Variants in STXBP5L observed in about 807,000 individuals in gnomAD.
STXBP5L encodes syntaxin binding protein 5L.
STXBP5L carries 65 observed loss-of-function variants against 144.5 expected under a neutral mutation model. The observed-to-expected ratio is 0.45, with a 90% CI of 0.37 to 0.55. STXBP5L has a LOEUF of 0.55. STXBP5L is among the 20% of genes least tolerant of loss of function. The pLI is 0.00. For synonymous variants in STXBP5L, 505 were observed against 469.6 expected, an observed-to-expected ratio of 1.08 and a Z score of -0.97; for missense variants, 1,298 against 1,405.5, an observed-to-expected ratio of 0.92 and a Z score of 1.22.
chr3:121,294,031 G>A (rs1178516847), intron 19 of STXBP5L, among the ~76,000 whole-genome samples: 1 of 152,200 alleles, frequency 6.6e-6, no homozygotes, highest in Non-Finnish European at 1.5e-5. Flanking sequence ...AAAAGCTTCT[G>A]AAGTAATTAC....
rs150005090 is a variant in STXBP5L at position 121,008,899 on chromosome 3, A to T, written c.288-32801A>T. On this transcript the variant is annotated intron_variant, in intron 3 of 26. Coordinates refer to ENST00000471454, the MANE Select transcript of STXBP5L (RefSeq NM_001308330.2). ...AAATAAAATATCTATCTTTTCCAGGATGGAATAGTTTCTTACGGTTTAATA... is the reference window on the plus strand; with the variant it reads ...AAATAAAATATCTATCTTTTCCAGGTTGGAATAGTTTCTTACGGTTTAATA... Among the ~76,000 whole-genome samples, 348 of 151,616 alleles carry T rather than the reference A, an allele frequency of 2.3e-3. 8 individuals carry two copies. In the East Asian group the frequency reaches 0.053, roughly 23 times the overall value.
chr3:121,036,385 T>C (rs565977580), intron 3 of STXBP5L, among the ~76,000 whole-genome samples: 28 of 152,258 alleles, frequency 1.8e-4, no homozygotes, highest in Admixed American at 6.6e-4. Context: ...TCAGTAATAT[T>C]TTATGGCTTT....
intron 5 of STXBP5L, among the ~76,000 whole-genome samples, chr3:121,098,853 C>T (rs1229142719): frequency 6.6e-6 from 1 of 152,052 alleles, no homozygotes; most frequent in East Asian, 1.9e-4. Flanking sequence ...TCAAAAGCCT[C>T]CAAGGAAGTT....
At chr3:121,216,505 C>T (rs1469603027) in intron 10 of STXBP5L, among the ~76,000 whole-genome samples, 1 of 152,150 alleles carries the variant, frequency 6.6e-6, no homozygotes, top group Non-Finnish European at 1.5e-5. Context: ...TGGTTATCAC[C>T]ACGGGAGTCT....
chr3:121,389,259 G>A (rs922993231), intron 22 of STXBP5L, among the ~76,000 whole-genome samples: 45 of 151,972 alleles, frequency 3.0e-4, no homozygotes, highest in East Asian at 3.9e-4. Context: ...TTTTTATTGC[G>A]TCTACTTGAT....
intron 20 of STXBP5L, among the ~76,000 whole-genome samples, chr3:121,350,706 C>G (rs2045241938): frequency 6.6e-6 from 1 of 151,924 alleles, no homozygotes; most frequent in African/African-American, 2.4e-5. Context: ...TCATTTCATT[C>G]ATTTGATCTT....
At chr3:121,187,208 A>T (rs1259208600) in intron 9 of STXBP5L, among the ~76,000 whole-genome samples, 1 of 152,182 alleles carries the variant, frequency 6.6e-6, no homozygotes, top group Non-Finnish European at 1.5e-5. Context: ...ACACCATGGA[A>T]TACTATGCAG....
chr3:121,182,883 C>T (rs1018760732), intron 9 of STXBP5L, among the ~76,000 whole-genome samples: 1 of 152,094 alleles, frequency 6.6e-6, no homozygotes, highest in African/African-American at 2.4e-5. Context: ...ACCAATATCC[C>T]TGATGAACAT....
chr3:121,377,267 T>A (rs180679743), intron 20 of STXBP5L, among the ~76,000 whole-genome samples: 34 of 152,340 alleles, frequency 2.2e-4, no homozygotes, highest in Non-Finnish European at 5.0e-4. Flanking sequence ...ATTCAGGACA[T>A]AGGCATGGAC....
chr3:121,347,693 C>G (rs2045061080), intron 20 of STXBP5L, among the ~76,000 whole-genome samples: 1 of 151,996 alleles, frequency 6.6e-6, no homozygotes, highest in African/African-American at 2.4e-5. Flanking sequence ...AGTTGGATTC[C>G]TAGGTATTTT....
At chr3:121,312,367 T>TA (rs2043563001) in intron 19 of STXBP5L, among the ~76,000 whole-genome samples, 1 of 93,282 alleles carries the variant, frequency 1.1e-5, no homozygotes. Context: ...CTAAAGAGCT[T>TA]CTTTTTTTTT....
rs530714069 is a variant in STXBP5L at position 121,291,654 on chromosome 3, A to G, written c.2110+11698A>G. On this transcript the variant is annotated intron_variant, in intron 19 of 26. Transcript: ENST00000471454. ...GAGGCATCACGTTACTTGACTTCAA[A>G]CTACACTACAAGGCTATCGTTACCA... 5.9e-5 allele frequency among the ~76,000 whole-genome samples: 9 copies of G among 152,314 alleles called. No individual in the cohort carries two copies. The South Asian group carries it at 1.9e-3, about 32-fold the overall frequency.
intron 15 of STXBP5L, among the ~76,000 whole-genome samples, chr3:121,253,806 TTTTC>T (rs1409848296): frequency 2.3e-5 from 3 of 130,362 alleles, no homozygotes; most frequent in African/African-American, 9.3e-5. Flanking sequence ...AATTTTTTTT[TTTTC>T]TTTTTTTTTT....
chr3:121,063,084 G>A (rs1205867062), intron 5 of STXBP5L, among the ~76,000 whole-genome samples: 1 of 152,176 alleles, frequency 6.6e-6, no homozygotes, highest in Admixed American at 6.5e-5. Context: ...GAGCAGAAGA[G>A]TCATTCTGGT....
At chr3:121,192,247 A>G (rs192825556) in intron 9 of STXBP5L, among the ~76,000 whole-genome samples, 1 of 152,196 alleles carries the variant, frequency 6.6e-6, no homozygotes, top group African/African-American at 2.4e-5. Context: ...TAAAACACCT[A>G]GGCATACAAC....
intron 2 of STXBP5L, among the ~76,000 whole-genome samples, chr3:120,923,875 AGTG>A (rs1163303979): frequency 6.6e-6 from 1 of 152,102 alleles, no homozygotes; most frequent in African/African-American, 2.4e-5. Flanking sequence ...TGTAGTTTAC[AGTG>A]ATGTTTGTTG....
At chr3:120,977,612 C>G (rs1020410804) in intron 3 of STXBP5L, among the ~76,000 whole-genome samples, 5 of 151,994 alleles carry the variant, frequency 3.3e-5, no homozygotes, top group Non-Finnish European at 7.4e-5. Context: ...TATTTTGCTC[C>G]TTAGTTGAGG....
intron 3 of STXBP5L, among the ~76,000 whole-genome samples, chr3:121,038,444 T>C (rs1946910995): frequency 6.6e-6 from 1 of 152,012 alleles, no homozygotes; most frequent in Non-Finnish European, 1.5e-5. Flanking sequence ...TCAAATTCAA[T>C]TGTGGTCAGA....
intron 5 of STXBP5L, among the ~76,000 whole-genome samples, chr3:121,051,188 T>A (rs2107590282): frequency 6.6e-6 from 1 of 152,022 alleles, no homozygotes; most frequent in East Asian, 1.9e-4. Context: ...AGACAGAAAG[T>A]TAACAAGGAT....
Sources: gnomAD v4.1 joint callset for allele counts (sites outside exome capture counted in the v4.1 genomes callset) on GRCh38, gnomAD v4.1.1 for gene constraint, MANE v1.5 for transcripts, NCBI Gene and HGNC (gene_info 2026-07-23, HGNC 2026-07-21) for gene names.